The following TUSC3 variants were observed in gnomAD, a reference collection of about 807,000 sequenced individuals.
TUSC3 encodes the protein tumor suppressor candidate 3, also known as dolichyl-diphosphooligosaccharide--protein glycosyltransferase subunit TUSC3.
In TUSC3, 45 loss-of-function variants were observed where a neutral mutation model predicts 44.8. The observed-to-expected ratio is 1.00, with a 90% CI of 0.79 to 1.29. The LOEUF is 1.29. Ranked by LOEUF, TUSC3 falls within the 50% of genes most tolerant of loss-of-function variation. The probability of loss-of-function intolerance (pLI) is 0.00; values close to 1 mark genes in which losing one functional copy is unlikely to be tolerated. For synonymous variants in TUSC3, 212 were observed against 152.9 expected (o/e 1.39, Z -2.85); for missense variants, 519 against 437.9 (o/e 1.19, Z -1.65).
At chr8:15,467,867 C>G (rs946912197) in intron 1 of TUSC3, among the ~76,000 whole-genome samples, 3 of 152,114 alleles carry the variant, frequency 2.0e-5, no homozygotes, top group African/African-American at 7.2e-5. Context: ...ATACCTTTCT[C>G]TAATATTCTA....
the TUSC3 span, among the ~76,000 whole-genome samples, chr8:15,825,960 T>C: frequency 6.6e-6 from 1 of 151,108 alleles, no homozygotes; most frequent in Non-Finnish European, 1.5e-5. Flanking sequence ...GGGAAATTCA[T>C]GTACAGACTT....
chr8:15,768,801 C>T (rs1812393568), downstream of TUSC3, among the ~76,000 whole-genome samples: 1 of 151,832 alleles, frequency 6.6e-6, no homozygotes, highest in Non-Finnish European at 1.5e-5. Context: ...CCAATAACAG[C>T]CAAATCATGA....
intron 1 of TUSC3, among the ~76,000 whole-genome samples, chr8:15,480,671 C>T (rs901874691): frequency 6.6e-6 from 1 of 152,182 alleles, no homozygotes; most frequent in Admixed American, 6.5e-5. Flanking sequence ...GTTTCCTCTT[C>T]ACAGTCCCTC....
At chr8:15,523,193 T>G (rs1211215442) in intron 2 of TUSC3, among the ~76,000 whole-genome samples, 1 of 152,140 alleles carries the variant, frequency 6.6e-6, no homozygotes, top group Admixed American at 6.5e-5. Flanking sequence ...ATTAATCCAC[T>G]GCACCAGTGA....
intron 6 of TUSC3, among the ~76,000 whole-genome samples, chr8:15,678,405 G>T (rs1474147114): frequency 1.3e-5 from 2 of 151,642 alleles, no homozygotes; most frequent in Non-Finnish European, 2.9e-5. Flanking sequence ...TTTTTTTTTA[G>T]TAGATTCCAA....
chr8:15,528,831 TAGTG>T (rs1563275066), intron 2 of TUSC3, among the ~76,000 whole-genome samples: 2 of 152,340 alleles, frequency 1.3e-5, no homozygotes, highest in South Asian at 2.1e-4. Context: ...TGAATTTTCT[TAGTG>T]AGTCTAGGAA....
At chr8:15,567,890 G>A (rs1031215153) in intron 1 of TUSC3, among the ~76,000 whole-genome samples, 2 of 152,084 alleles carry the variant, frequency 1.3e-5, no homozygotes, top group Non-Finnish European at 2.9e-5. Context: ...TTTGCATTTG[G>A]GTTGTTGGTA....
the TUSC3 span, among the ~76,000 whole-genome samples, chr8:15,790,825 G>T: frequency 3.9e-5 from 6 of 152,296 alleles, no homozygotes; most frequent in African/African-American, 1.4e-4. Context: ...TCACAAGTGA[G>T]GAGAGGAGGG....
chr8:15,594,449 G>C (rs1803982751), intron 1 of TUSC3, among the ~76,000 whole-genome samples: 1 of 152,002 alleles, frequency 6.6e-6, no homozygotes, highest in Admixed American at 6.6e-5. Context: ...TGTTTAATTG[G>C]ATCATAGGCA....
the TUSC3 span, among the ~76,000 whole-genome samples, chr8:15,833,767 A>G: frequency 6.6e-6 from 1 of 152,050 alleles, no homozygotes; most frequent in African/African-American, 2.4e-5. Flanking sequence ...TGACAAAACA[A>G]TCTGTACAAC....
chr8:15,844,580 T>C, the TUSC3 span, among the ~76,000 whole-genome samples: 4 of 152,294 alleles, frequency 2.6e-5, no homozygotes, highest in African/African-American at 9.6e-5. Context: ...TTTCCTGCCA[T>C]TGGTGTTGCT....
intron 7 of TUSC3, among the ~76,000 whole-genome samples, chr8:15,736,917 A>T (rs1810961531): frequency 2.0e-5 from 3 of 152,160 alleles, no homozygotes; most frequent in Admixed American, 6.5e-5. Flanking sequence ...CAACTATATA[A>T]TCTCTGACCT....
chr8:15,499,800 C>T, intron 2 of TUSC3, among the ~76,000 whole-genome samples: 1 of 152,100 alleles, frequency 6.6e-6, no homozygotes, highest in East Asian at 1.9e-4. Context: ...TTTTTCCTCC[C>T]TGCAGCTTGT....
At position 15,757,938 on chromosome 8, in the gene TUSC3, T is replaced by C. The variant is rs796540177; in HGVS notation, c.*46+83T>C. ...TATAACATTTATCTCATAAGACAAGTTGTAGTAAATTACTGTTTTACAAAT... is the reference window on the plus strand; with the variant it reads ...TATAACATTTATCTCATAAGACAAGCTGTAGTAAATTACTGTTTTACAAAT... On this transcript the variant is annotated intron_variant, in intron 10 of 10. Transcript: ENST00000503731. 15 of 1,487,614 alleles carry C rather than the reference T, an allele frequency of 1.0e-5. No homozygotes were observed. In the African/African-American group the frequency reaches 2.1e-4, roughly 21 times the overall value. The allele number at this position is 1,487,614 out of a possible 1,614,324, so 92.2% of individuals were successfully genotyped here.
intron 2 of TUSC3, among the ~76,000 whole-genome samples, chr8:15,517,031 C>T (rs1407124461): frequency 6.6e-6 from 1 of 151,964 alleles, no homozygotes; most frequent in African/African-American, 2.4e-5. Flanking sequence ...TCCATGGTAC[C>T]AGGGCTTAGA....
intron 3 of TUSC3, among the ~76,000 whole-genome samples, chr8:15,654,563 A>C (rs1187403436): frequency 6.6e-6 from 1 of 152,182 alleles, no homozygotes; most frequent in Non-Finnish European, 1.5e-5. Context: ...CTTCTAATGA[A>C]CTTATTAAAA....
chr8:15,840,637 T>C, the TUSC3 span, among the ~76,000 whole-genome samples: 1 of 152,138 alleles, frequency 6.6e-6, no homozygotes, highest in African/African-American at 2.4e-5. Flanking sequence ...AATCAATAGT[T>C]TTATAATCTG....
chr8:15,659,475 T>A (rs780714232), intron 3 of TUSC3, 32 bp from the exon 4 acceptor site: 3 of 1,605,050 alleles, frequency 1.9e-6, no homozygotes, highest in Non-Finnish European at 2.5e-6. Flanking sequence ...AAGATGATCC[T>A]ATATTTAGTA....
chr8:15,666,364 T>C (rs1242356249), intron 5 of TUSC3, among the ~76,000 whole-genome samples: 1 of 151,596 alleles, frequency 6.6e-6, no homozygotes, highest in African/African-American at 2.4e-5. Flanking sequence ...ATAGAAGCTG[T>C]TTTCTGCCTT....
Sources: gnomAD v4.1 joint callset for allele counts (sites outside exome capture counted in the v4.1 genomes callset) on GRCh38, gnomAD v4.1.1 for gene constraint, MANE v1.5 for transcripts, NCBI Gene and HGNC (gene_info 2026-07-23, HGNC 2026-07-21) for gene names.